KLF16: variants seen among roughly 807,000 people sequenced by gnomAD.
The protein encoded by KLF16 is KLF transcription factor 16.
In KLF16, 6 loss-of-function variants were observed where a neutral mutation model predicts 6.1. The observed-to-expected ratio is 0.98, with a 90% CI of 0.54 to 1.93. The LOEUF (loss-of-function observed/expected upper bound fraction) is 1.93, where lower values mean the gene tolerates loss of function less well. KLF16 is among the 30% of genes most tolerant of loss of function. The pLI is 0.01. For missense variants in KLF16, 355 were observed against 363.8 expected (o/e 0.98, Z 0.20); for synonymous variants, 211 against 176.5 (o/e 1.20, Z -1.55).
chr19:1,863,128 C>A lies in KLF16; in HGVS notation c.370G>T (p.Ala124Ser), dbSNP rs774556595. Residue 124 changes from alanine to serine, a missense_variant, in exon 1 of 2, where the codon GCC becomes TCC. Physicochemically the swap from Ala to Ser is moderately conservative, Grantham distance 99 (BLOSUM62 1). Coordinates refer to ENST00000250916, the MANE Select transcript of KLF16 (RefSeq NM_031918.4). ...RAPGAAPSAA[A>S]KSHRCPFPDC... ...GGGAAGGGACAGCGGTGGCTCTTGG[C>A]GGCGGCGGAGGGCGCGGCGCCGGGG... 5.2e-6 allele frequency: 7 copies of A among 1,344,088 alleles called. No homozygotes were observed. Among genetic ancestry groups the A allele is most frequent in the Non-Finnish European group, 6.8e-6 (7 of 1,029,516 alleles). The allele number at this position is 1,344,088 out of a possible 1,614,324, so 83.3% of individuals were successfully genotyped here.
chr19:1,862,540 C>G (rs2012087405), intron 1 of KLF16, among the ~76,000 whole-genome samples: 1 of 152,044 alleles, frequency 6.6e-6, no homozygotes, highest in Admixed American at 6.5e-5. Flanking sequence ...CCTGGCCCCA[C>G]GCCAGGTGCT....
chr19:1,865,760 C>G (rs1251472289), upstream of KLF16, among the ~76,000 whole-genome samples: 2 of 152,228 alleles, frequency 1.3e-5, no homozygotes, highest in Non-Finnish European at 2.9e-5. Flanking sequence ...ATTCACACCC[C>G]TAAGCCCCAG....
the KLF16 span, among the ~76,000 whole-genome samples, chr19:1,874,599 G>A: frequency 3.3e-5 from 5 of 150,694 alleles, no homozygotes; most frequent in East Asian, 1.9e-4. Context: ...GCCGTAAAGA[G>A]AAAAAAACTA....
At chr19:1,873,724 T>TA in the KLF16 span, among the ~76,000 whole-genome samples, 5 of 152,202 alleles carry the variant, frequency 3.3e-5, no homozygotes, top group African/African-American at 1.2e-4. Context: ...CGTCCTGGAA[T>TA]AGAGTGCTGG....
chr19:1,863,974 C>T (rs1408963794), upstream of KLF16, among the ~76,000 whole-genome samples: 5 of 144,478 alleles, frequency 3.5e-5, no homozygotes, highest in Admixed American at 2.7e-4. Flanking sequence ...TCCCGGAGCA[C>T]CACCCCCTCA....
At chr19:1,876,483 C>T in the KLF16 span, among the ~76,000 whole-genome samples, 2 of 152,194 alleles carry the variant, frequency 1.3e-5, no homozygotes, top group Admixed American at 1.3e-4. Context: ...CCAGGGGAGA[C>T]CCTCGGGGCC....
chr19:1,859,802 A>G (rs1053188755), intron 1 of KLF16, among the ~76,000 whole-genome samples: 2 of 152,088 alleles, frequency 1.3e-5, no homozygotes, highest in African/African-American at 4.8e-5. Flanking sequence ...TCAGAGTGGG[A>G]TACAACTGGG....
At chr19:1,867,028 C>T (rs1239940804), upstream of KLF16, among the ~76,000 whole-genome samples, 1 of 152,204 alleles carries the variant, frequency 6.6e-6, no homozygotes, top group Non-Finnish European at 1.5e-5. Context: ...GATGGACCTC[C>T]CAAGCCTGAG....
At chr19:1,861,182 G>A (rs934243527) in intron 1 of KLF16, among the ~76,000 whole-genome samples, 3 of 152,090 alleles carry the variant, frequency 2.0e-5, no homozygotes, top group South Asian at 2.1e-4. Flanking sequence ...CCCAATACCC[G>A]GGGGCCTATG....
intron 1 of KLF16, among the ~76,000 whole-genome samples, chr19:1,859,698 C>A (rs372109752): frequency 6.6e-6 from 1 of 152,102 alleles, no homozygotes; most frequent in Non-Finnish European, 1.5e-5. Flanking sequence ...CCTGTTGCCA[C>A]CCCCCACCCC....
chr19:1,862,655 C>T (rs1282294058), intron 1 of KLF16: 2 of 203,528 alleles, frequency 9.8e-6, no homozygotes, highest in Non-Finnish European at 2.0e-5. Context: ...AGGGGGAGAA[C>T]CCAGAACCCC....
chr19:1,854,872 G>A (rs1568731371), intron 1 of KLF16, 112 bp from the exon 2 acceptor site: 2 of 1,158,860 alleles, frequency 1.7e-6, no homozygotes, highest in South Asian at 1.3e-5. Flanking sequence ...CCGTTTTAGA[G>A]GCTGAGCTCT....
In KLF16 at chr19:1,857,066, G is replaced by A. The variant is rs1011187066; in HGVS notation, c.458-2306C>T. Among the ~76,000 whole-genome samples, 1 of 151,278 alleles carries A rather than the reference G, an allele frequency of 6.6e-6. No homozygotes were observed. Among genetic ancestry groups the A allele is most frequent in the Middle Eastern group, 3.4e-3 (1 of 292 alleles). Reference sequence around the variant, plus strand: ...AGCCCCAGCCGGCCCCGCTCACGTGGTCCCACTCCCGCCGGGGCCAGGGGG... The same window carrying A: ...AGCCCCAGCCGGCCCCGCTCACGTGATCCCACTCCCGCCGGGGCCAGGGGG... On this transcript the variant is annotated intron_variant, in intron 1 of 1. Coordinates refer to ENST00000250916, the MANE Select transcript of KLF16 (RefSeq NM_031918.4). The surrounding 1 kb of genome is among the most constrained non-coding windows in gnomAD (Gnocchi z 4.7).
At chr19:1,858,344 G>C (rs2011996039) in intron 1 of KLF16, among the ~76,000 whole-genome samples, 1 of 152,200 alleles carries the variant, frequency 6.6e-6, no homozygotes, top group African/African-American at 2.4e-5. Context: ...CCTGCCCGGA[G>C]CTTCTCTGAG....
the KLF16 span, chr19:1,876,172 C>G: frequency 6.5e-6 from 1 of 152,906 alleles, no homozygotes; most frequent in Non-Finnish European, 1.5e-5. Flanking sequence ...TCTCCACTGC[C>G]GCACGCACGC....
chr19:1,862,600 C>T (rs958546632), intron 1 of KLF16, among the ~76,000 whole-genome samples: 5 of 151,650 alleles, frequency 3.3e-5, no homozygotes, highest in African/African-American at 1.2e-4. Context: ...GGCGGCGACG[C>T]GGTTCCTCCT....
In KLF16 at chr19:1,854,505, C is replaced by A; in HGVS notation, c.713G>T (p.Ser238Ile). 6.8e-7 allele frequency: 1 copy of A among 1,472,848 alleles called. No individual in the cohort carries two copies. Among genetic ancestry groups the A allele is most frequent in the Non-Finnish European group, 8.9e-7 (1 of 1,122,600 alleles). The allele number at this position is 1,472,848 out of a possible 1,614,324, so 91.2% of individuals were successfully genotyped here. A position where few individuals can be genotyped will look rare whatever the true frequency, so the allele number is the denominator to read the frequency against. ...GCTGGGCGCGGGGCTGGGCGCAGGG[C>A]TCCCGGCCAGGCTGCAGGGCAGCGA... ...SDSLPCSLAG[S>I]PAPSPAPSPA... The change falls in exon 2 of 2, where the codon AGC (serine) becomes ATC (isoleucine). Residue 238 changes from serine to isoleucine, a missense_variant. By Grantham distance (142) the Ser-to-Ile change is moderately radical. Coordinates refer to ENST00000250916, the MANE Select transcript of KLF16 (RefSeq NM_031918.4).
chr19:1,861,351 C>T (rs938962656), intron 1 of KLF16: 1 of 152,256 alleles, frequency 6.6e-6, no homozygotes, highest in African/African-American at 2.4e-5. Flanking sequence ...GCTCCCACTT[C>T]AGCCCCGTCT....
At chr19:1,871,503 G>A in the KLF16 span, among the ~76,000 whole-genome samples, 1 of 152,216 alleles carries the variant, frequency 6.6e-6, no homozygotes, top group African/African-American at 2.4e-5. Flanking sequence ...CGCTCCTGCA[G>A]GACACTGTGG....
Sources: allele counts gnomAD v4.1 joint callset (sites outside exome capture counted in the v4.1 genomes callset), GRCh38; gene constraint gnomAD v4.1.1; non-coding constraint Gnocchi (gnomAD v3.1); transcripts MANE v1.5; gene names NCBI Gene and HGNC (gene_info 2026-07-23, HGNC 2026-07-21).